The following GLDN variants were observed in gnomAD, a reference collection of about 807,000 sequenced individuals.
GLDN encodes the protein collomin.
In GLDN, 47 loss-of-function variants were observed where a neutral mutation model predicts 56.5. The ratio of observed to expected loss-of-function variants is 0.83; its 90% CI spans 0.66 to 1.06. GLDN has a LOEUF of 1.06. GLDN is among the 50% of genes least tolerant of loss of function. GLDN has a pLI of 0.00. For missense variants in GLDN, 782 were observed against 714.3 expected, an observed-to-expected ratio of 1.09 and a Z score of -1.08; for synonymous variants, 332 against 278.8, an observed-to-expected ratio of 1.19 and a Z score of -1.90.
intron 9 of GLDN, among the ~76,000 whole-genome samples, chr15:51,403,067 C>T (rs553125001): frequency 6.6e-6 from 1 of 152,292 alleles, no homozygotes; most frequent in African/African-American, 2.4e-5. Context: ...TGGATAACCC[C>T]CATAGTGAGA....
chr15:51,411,110 G>T (rs142719030), downstream of GLDN, among the ~76,000 whole-genome samples: 4 of 152,310 alleles, frequency 2.6e-5, no homozygotes, highest in African/African-American at 9.6e-5. Flanking sequence ...AATAAAATCA[G>T]GTGGCTACTG....
chr15:51,401,805 G>T (rs772435195), intron 9 of GLDN, 62 bp downstream of exon 9: 38 of 1,491,916 alleles, frequency 2.5e-5, no homozygotes, highest in Non-Finnish European at 3.5e-5. Context: ...TGGTGCTTTT[G>T]TGAGCAATTA....
intron 1 of GLDN, among the ~76,000 whole-genome samples, chr15:51,350,241 G>C (rs1180441878): frequency 6.6e-6 from 1 of 152,126 alleles, no homozygotes; most frequent in Non-Finnish European, 1.5e-5. Flanking sequence ...CAATGTTAGG[G>C]GAGCTTTTAG....
At chr15:51,402,629 G>A (rs1170353509) in intron 9 of GLDN, among the ~76,000 whole-genome samples, 1 of 152,224 alleles carries the variant, frequency 6.6e-6, no homozygotes, top group African/African-American at 2.4e-5. Flanking sequence ...ACAAGAGACA[G>A]TGACTTTGAG....
At chr15:51,376,524 C>T (rs1331393318) in intron 1 of GLDN, among the ~76,000 whole-genome samples, 4 of 152,148 alleles carry the variant, frequency 2.6e-5, no homozygotes, top group African/African-American at 2.4e-5. Context: ...TTAGGCTACA[C>T]CAAATTTATT....
chr15:51,353,729 A>C (rs1031380071), intron 1 of GLDN, among the ~76,000 whole-genome samples: 9 of 145,876 alleles, frequency 6.2e-5, no homozygotes, highest in African/African-American at 2.1e-4. Flanking sequence ...AAAAAAAAAA[A>C]AAAAACCACA....
intron 1 of GLDN, among the ~76,000 whole-genome samples, chr15:51,376,081 G>C (rs750260520): frequency 2.0e-5 from 3 of 152,182 alleles, no homozygotes; most frequent in Non-Finnish European, 4.4e-5. Flanking sequence ...TTTCTTTCAA[G>C]TGTTATGTTA....
chr15:51,386,540 T>C (rs954595060), intron 4 of GLDN, among the ~76,000 whole-genome samples: 4 of 152,166 alleles, frequency 2.6e-5, no homozygotes, highest in Non-Finnish European at 5.9e-5. Flanking sequence ...CTGAGGGCCA[T>C]GAGAAGCCCC....
At chr15:51,375,177 A>G (rs1288586653) in intron 1 of GLDN, among the ~76,000 whole-genome samples, 1 of 152,276 alleles carries the variant, frequency 6.6e-6, no homozygotes, top group African/African-American at 2.4e-5. Context: ...GATACAATAC[A>G]AAAATTATTT....
At chr15:51,343,084 C>T (rs561698785) in intron 1 of GLDN, among the ~76,000 whole-genome samples, 29 of 152,312 alleles carry the variant, frequency 1.9e-4, no homozygotes, top group African/African-American at 5.3e-4. Flanking sequence ...AGAAAGATTT[C>T]GGCTATTACC....
intron 1 of GLDN, among the ~76,000 whole-genome samples, chr15:51,348,488 C>A (rs1467871141): frequency 6.6e-6 from 1 of 151,916 alleles, no homozygotes; most frequent in Non-Finnish European, 1.5e-5. Context: ...TGCCACCACA[C>A]CTGGCTAATT....
intron 2 of GLDN, 48 bp downstream of exon 2, chr15:51,377,548 C>T (rs376942201): frequency 4.1e-6 from 6 of 1,481,152 alleles, no homozygotes; most frequent in South Asian, 2.3e-5. Context: ...GGACTTGTGC[C>T]GCTGAAGGCC....
intron 1 of GLDN, among the ~76,000 whole-genome samples, chr15:51,371,949 T>C (rs897919436): frequency 2.0e-5 from 3 of 152,182 alleles, no homozygotes; most frequent in African/African-American, 7.2e-5. Context: ...CCTCCCAAAG[T>C]GTTGGGACTA....
chr15:51,409,322 G>A (rs537106606), downstream of GLDN, among the ~76,000 whole-genome samples: 2 of 152,066 alleles, frequency 1.3e-5, no homozygotes, highest in East Asian at 1.9e-4. Flanking sequence ...CCTGTTACTG[G>A]ACTTTTGTAA....
At chr15:51,377,307 C>A in intron 1 of GLDN, 142 bp from the exon 2 acceptor site, 4 of 626,252 alleles carry the variant, frequency 6.4e-6, no homozygotes, top group Non-Finnish European at 1.1e-5. Context: ...GGTGGGACAT[C>A]ACTGCGTTTT....
chr15:51,381,381 C>T (rs2037756338), intron 2 of GLDN, among the ~76,000 whole-genome samples: 1 of 152,186 alleles, frequency 6.6e-6, no homozygotes, highest in Non-Finnish European at 1.5e-5. Flanking sequence ...CCTCTGTTAA[C>T]TGGCCACCTC....
intron 1 of GLDN, among the ~76,000 whole-genome samples, chr15:51,348,337 A>AT (rs5812553): frequency 6.6e-6 from 1 of 150,402 alleles, no homozygotes; most frequent in Non-Finnish European, 1.5e-5. Flanking sequence ...ATTTTATTTT[A>AT]TTTTTTTATT....
At chr15:51,390,632 G>T (rs144658628) in intron 4 of GLDN, among the ~76,000 whole-genome samples, 1 of 151,892 alleles carries the variant, frequency 6.6e-6, no homozygotes, top group Non-Finnish European at 1.5e-5. Context: ...CCTTTCCCCC[G>T]CCTTAGCAAC....
At chr15:51,387,746 G>A (rs945050131) in intron 4 of GLDN, among the ~76,000 whole-genome samples, 2 of 152,074 alleles carry the variant, frequency 1.3e-5, no homozygotes, top group Non-Finnish European at 2.9e-5. Flanking sequence ...TCCAAGAAAA[G>A]GAAAAAAGCC....
Sources: allele counts gnomAD v4.1 joint callset (sites outside exome capture counted in the v4.1 genomes callset), GRCh38; gene constraint gnomAD v4.1.1; transcripts MANE v1.5; gene names NCBI Gene and HGNC (gene_info 2026-07-23, HGNC 2026-07-21).